Variants in CDH13 observed in about 807,000 individuals in gnomAD.
CDH13 encodes cadherin-13.
CDH13 carries 24 observed loss-of-function variants against 63.8 expected under a neutral mutation model. The ratio of observed to expected loss-of-function variants is 0.38; its 90% CI spans 0.27 to 0.53. The LOEUF (loss-of-function observed/expected upper bound fraction) is 0.53, where lower values mean the gene tolerates loss of function less well. Among genes scored for constraint, CDH13 ranks in the 20% least tolerant of loss-of-function variants. The pLI is 0.85. For synonymous variants in CDH13, 503 were observed against 355.3 expected, an observed-to-expected ratio of 1.42 and a Z score of -4.67; for missense variants, 1,049 against 903.1, an observed-to-expected ratio of 1.16 and a Z score of -2.07.
chr16:83,107,708 TG>T (rs942142774), intron 3 of CDH13, among the ~76,000 whole-genome samples: 4 of 150,694 alleles, frequency 2.7e-5, no homozygotes, highest in Non-Finnish European at 4.4e-5. Flanking sequence ...CTGGAGCATT[TG>T]CGTAGTGAGT....
intron 5 of CDH13, among the ~76,000 whole-genome samples, chr16:83,287,992 T>C (rs544834480): frequency 6.6e-6 from 1 of 152,334 alleles, no homozygotes; most frequent in East Asian, 1.9e-4. Flanking sequence ...AGGGCATCAG[T>C]ATTACTGATT....
At chr16:83,268,257 A>G (rs2088685437) in intron 5 of CDH13, among the ~76,000 whole-genome samples, 1 of 152,178 alleles carries the variant, frequency 6.6e-6, no homozygotes, top group South Asian at 2.1e-4. Context: ...AACCTTCACA[A>G]TATGTAGGAG....
intron 1 of CDH13, among the ~76,000 whole-genome samples, chr16:82,697,578 G>A (rs922247612): frequency 5.9e-5 from 9 of 151,712 alleles, no homozygotes; most frequent in Admixed American, 2.0e-4. Flanking sequence ...ACAGGTGCCC[G>A]CCACTATGCC....
intron 6 of CDH13, among the ~76,000 whole-genome samples, chr16:83,467,203 G>C (rs1412689319): frequency 2.0e-5 from 3 of 152,270 alleles, no homozygotes; most frequent in African/African-American, 7.2e-5. Flanking sequence ...CAAACGTTTT[G>C]TGGTTCCAAG....
chr16:83,478,212 C>T (rs1213173213), intron 6 of CDH13, among the ~76,000 whole-genome samples: 1 of 151,774 alleles, frequency 6.6e-6, no homozygotes, highest in African/African-American at 2.4e-5. Flanking sequence ...GTATTTCAGA[C>T]ATGCAGTAAT....
At chr16:83,315,640 T>TA (rs757620365) in intron 5 of CDH13, among the ~76,000 whole-genome samples, 123 of 134,960 alleles carry the variant, frequency 9.1e-4, no homozygotes, top group Non-Finnish European at 1.7e-3. Context: ...AACTCTGGAT[T>TA]TAAAAAAAAA....
chr16:83,368,750 T>G (rs920667761), intron 6 of CDH13, among the ~76,000 whole-genome samples: 2 of 151,428 alleles, frequency 1.3e-5, no homozygotes, highest in African/African-American at 4.9e-5. Context: ...CTCCTACAGG[T>G]GAGTGAGAAT....
chr16:83,784,330 G>A (rs1915733226), intron 13 of CDH13, among the ~76,000 whole-genome samples: 1 of 152,074 alleles, frequency 6.6e-6, no homozygotes, highest in Admixed American at 6.6e-5. Flanking sequence ...AGAGTCCTGT[G>A]AGTAGAAGGA....
chr16:83,256,359 A>C (rs1906258561), intron 5 of CDH13, among the ~76,000 whole-genome samples: 1 of 152,150 alleles, frequency 6.6e-6, no homozygotes, highest in Non-Finnish European at 1.5e-5. Flanking sequence ...AAAATAAGTA[A>C]ATATTTACAA....
chr16:83,548,258 C>G (rs779262948), intron 7 of CDH13, among the ~76,000 whole-genome samples: 9 of 152,096 alleles, frequency 5.9e-5, no homozygotes, highest in Non-Finnish European at 8.8e-5. Context: ...CTCAGTGGTC[C>G]TAAACCAGGG....
At chr16:83,692,291 A>G (rs575031248) in intron 10 of CDH13, among the ~76,000 whole-genome samples, 72 of 152,278 alleles carry the variant, frequency 4.7e-4, no homozygotes, top group East Asian at 7.7e-4. Context: ...GAGCATGGGG[A>G]GGGAGTCTGG....
At chr16:83,401,709 T>A (rs949507848) in intron 6 of CDH13, among the ~76,000 whole-genome samples, 1 of 152,110 alleles carries the variant, frequency 6.6e-6, no homozygotes, top group Non-Finnish European at 1.5e-5. Flanking sequence ...TACCCAAGGA[T>A]GCGTGACTGG....
At chr16:82,716,890 G>A (rs1443932349) in intron 1 of CDH13, among the ~76,000 whole-genome samples, 2 of 151,874 alleles carry the variant, frequency 1.3e-5, no homozygotes, top group Non-Finnish European at 2.9e-5. Context: ...GTCGTAAGAT[G>A]CACCTCTAGG....
At chr16:83,547,603 C>A (rs756538386) in intron 7 of CDH13, among the ~76,000 whole-genome samples, 6 of 152,176 alleles carry the variant, frequency 3.9e-5, no homozygotes, top group Non-Finnish European at 8.8e-5. Context: ...GCCTCCAGCT[C>A]CATCCATGTT....
intron 6 of CDH13, among the ~76,000 whole-genome samples, chr16:83,463,879 G>A (rs530770073): frequency 9.2e-5 from 14 of 152,272 alleles, no homozygotes; most frequent in African/African-American, 9.6e-5. Flanking sequence ...AGGGCCACTC[G>A]TAAATCCAAC....
intron 5 of CDH13, among the ~76,000 whole-genome samples, chr16:83,238,162 A>T (rs1036797173): frequency 3.3e-5 from 5 of 151,980 alleles, no homozygotes; most frequent in Non-Finnish European, 7.4e-5. Flanking sequence ...CTTTGCTGAG[A>T]TGGTGTATTA....
At chr16:83,308,364 G>A (rs970428215) in intron 5 of CDH13, among the ~76,000 whole-genome samples, 3 of 152,226 alleles carry the variant, frequency 2.0e-5, no homozygotes, top group South Asian at 2.1e-4. Context: ...AAATGATGAG[G>A]CTAAACTCAT....
chr16:83,021,638 G>C (rs775720596), intron 2 of CDH13, among the ~76,000 whole-genome samples: 1 of 152,172 alleles, frequency 6.6e-6, no homozygotes, highest in African/African-American at 2.4e-5. Flanking sequence ...TGACATGATA[G>C]AATTGAAACT....
chr16:83,440,745 A>T (rs1013967097), intron 6 of CDH13, among the ~76,000 whole-genome samples: 4 of 145,338 alleles, frequency 2.8e-5, no homozygotes, highest in Non-Finnish European at 4.5e-5. Context: ...AGACTGAGCC[A>T]CCGCACTCCA....
Sources: allele counts gnomAD v4.1 joint callset (sites outside exome capture counted in the v4.1 genomes callset), GRCh38; gene constraint gnomAD v4.1.1; transcripts MANE v1.5; gene names NCBI Gene and HGNC (gene_info 2026-07-23, HGNC 2026-07-21).